The following SCFD2 variants were observed in gnomAD, a reference collection of about 807,000 sequenced individuals.
SCFD2 encodes sec1 family domain-containing protein 2.
In SCFD2, 54 loss-of-function variants were observed where a neutral mutation model predicts 58.9. That is an observed-to-expected ratio of 0.92 (90% confidence interval 0.74 to 1.15). The LOEUF is 1.15. SCFD2 is among the 50% of genes most tolerant of loss of function. The pLI, the probability that SCFD2 is intolerant of heterozygous loss-of-function variation, is 0.00. For missense variants in SCFD2, 805 were observed against 836.6 expected (o/e 0.96, Z 0.47); for synonymous variants, 321 against 335.9 (o/e 0.96, Z 0.49).
chr4:53,058,586 T>C (rs1334930669), intron 5 of SCFD2, among the ~76,000 whole-genome samples: 1 of 152,184 alleles, frequency 6.6e-6, no homozygotes, highest in Non-Finnish European at 1.5e-5. Context: ...AATCAGGCAC[T>C]GATAGTTTTA....
intron 3 of SCFD2, among the ~76,000 whole-genome samples, chr4:53,291,082 C>T (rs566566193): frequency 6.6e-6 from 1 of 152,178 alleles, no homozygotes; most frequent in South Asian, 2.1e-4. Context: ...GGGAATACTT[C>T]CCAACATATT....
In SCFD2 at chr4:53,293,405, G is replaced by A. The variant is rs1243036374; in HGVS notation, c.1136-19404C>T. On this transcript the variant is annotated intron_variant, in intron 3 of 8. Coordinates refer to ENST00000401642, the MANE Select transcript of SCFD2 (RefSeq NM_152540.4). ...TTGATAGGTGCAGCAAACCACCATG[G>A]CACAAGTTTACCTATGTAACAAACC... 2.6e-5 allele frequency among the ~76,000 whole-genome samples: 4 copies of A among 151,738 alleles called. 1 individual carries two copies. In the South Asian group the frequency reaches 8.3e-4, roughly 31 times the overall value.
chr4:53,337,771 A>C (rs1577982036), intron 2 of SCFD2, among the ~76,000 whole-genome samples: 1 of 152,150 alleles, frequency 6.6e-6, no homozygotes, highest in African/African-American at 2.4e-5. Context: ...AAATTTCAAA[A>C]CCTTTATGCC....
At chr4:52,959,927 T>TACACACACACACACACACAC (rs773748716) in intron 5 of SCFD2, among the ~76,000 whole-genome samples, 2,630 of 116,018 alleles carry the variant, frequency 0.023, 37 homozygotes, top group Admixed American at 0.05. Context: ...CACACACACT[T>TACACACACACACACACACAC]GAATCACCTA....
At chr4:53,238,588 C>A (rs1176840623) in intron 4 of SCFD2, among the ~76,000 whole-genome samples, 2 of 151,882 alleles carry the variant, frequency 1.3e-5, no homozygotes, top group Non-Finnish European at 2.9e-5. Context: ...GGCGGAGGGG[C>A]TCCTCACTTC....
At chr4:53,156,420 GA>G (rs1726687175) in intron 4 of SCFD2, among the ~76,000 whole-genome samples, 1 of 141,054 alleles carries the variant, frequency 7.1e-6, no homozygotes, top group Non-Finnish European at 1.5e-5. Context: ...AAAAAGAAAA[GA>G]AAAAAGAGCT....
chr4:53,301,148 A>C (rs1037867234), intron 3 of SCFD2, among the ~76,000 whole-genome samples: 1 of 152,182 alleles, frequency 6.6e-6, no homozygotes, highest in African/African-American at 2.4e-5. Context: ...TCAAAAAATC[A>C]ATAAATCCAG....
intron 5 of SCFD2, among the ~76,000 whole-genome samples, chr4:53,001,076 C>A (rs1390685631): frequency 2.0e-5 from 3 of 152,202 alleles, no homozygotes; most frequent in Non-Finnish European, 4.4e-5. Flanking sequence ...TCAAATATAA[C>A]TTTGCAATAC....
intron 2 of SCFD2, among the ~76,000 whole-genome samples, chr4:53,351,605 G>C (rs1734221118): frequency 6.6e-6 from 1 of 152,148 alleles, no homozygotes; most frequent in Admixed American, 6.5e-5. Context: ...ATGGCTCTCT[G>C]AACAGTTAAA....
chr4:53,268,176 G>A (rs1382424651), intron 4 of SCFD2, among the ~76,000 whole-genome samples: 3 of 152,154 alleles, frequency 2.0e-5, no homozygotes, highest in Non-Finnish European at 4.4e-5. Context: ...TGGTGTCAGA[G>A]CCAGAACCGG....
At chr4:52,940,979 C>T (rs2109513424) in intron 5 of SCFD2, among the ~76,000 whole-genome samples, 1 of 152,192 alleles carries the variant, frequency 6.6e-6, no homozygotes, top group Middle Eastern at 3.4e-3. Context: ...TCAGATGTCC[C>T]CTTTCCCATG....
At chr4:52,918,651 A>T (rs910801148) in intron 6 of SCFD2, among the ~76,000 whole-genome samples, 1 of 152,178 alleles carries the variant, frequency 6.6e-6, no homozygotes, top group Non-Finnish European at 1.5e-5. Flanking sequence ...TTTTTCCTAA[A>T]TTTTAAAGAC....
intron 5 of SCFD2, among the ~76,000 whole-genome samples, chr4:53,103,912 A>G (rs28620177): frequency 0.016 from 2,394 of 149,328 alleles, 82 homozygotes; most frequent in African/African-American, 0.057. Context: ...AAAAAAAAAA[A>G]AAAAGAAAAT....
intron 4 of SCFD2, among the ~76,000 whole-genome samples, chr4:53,238,431 G>T (rs541356937): frequency 2.6e-4 from 39 of 149,438 alleles, no homozygotes; most frequent in African/African-American, 8.6e-4. Flanking sequence ...TCCCGGATGG[G>T]CGGCTGGCCG....
chr4:52,972,868 C>G (rs993663821), intron 5 of SCFD2, among the ~76,000 whole-genome samples: 9 of 152,300 alleles, frequency 5.9e-5, no homozygotes, highest in African/African-American at 1.9e-4. Context: ...GAAACTCACT[C>G]AAAACTGCTC....
At chr4:53,254,597 C>T (rs1228079446) in intron 4 of SCFD2, among the ~76,000 whole-genome samples, 2 of 151,468 alleles carry the variant, frequency 1.3e-5, no homozygotes, top group African/African-American at 2.4e-5. Context: ...CCTCAGCCTC[C>T]CAAAGTGCTG....
intron 5 of SCFD2, among the ~76,000 whole-genome samples, chr4:52,968,556 G>A (rs1287186714): frequency 5.3e-5 from 8 of 152,168 alleles, no homozygotes; most frequent in Admixed American, 6.5e-5. Context: ...TGACATGGAC[G>A]ACAGATACTA....
chr4:53,329,603 A>C (rs1293004547), intron 2 of SCFD2, among the ~76,000 whole-genome samples: 1 of 151,960 alleles, frequency 6.6e-6, no homozygotes, highest in Non-Finnish European at 1.5e-5. Flanking sequence ...GTACATCACC[A>C]TCATCAAAGA....
intron 5 of SCFD2, among the ~76,000 whole-genome samples, chr4:53,136,875 G>A (rs1725957867): frequency 6.6e-6 from 1 of 152,108 alleles, no homozygotes; most frequent in Admixed American, 6.5e-5. Context: ...AATAAATATT[G>A]ATAATCTGAG....
Sources: gnomAD v4.1 joint callset for allele counts (sites outside exome capture counted in the v4.1 genomes callset) on GRCh38, gnomAD v4.1.1 for gene constraint, MANE v1.5 for transcripts, NCBI Gene and HGNC (gene_info 2026-07-23, HGNC 2026-07-21) for gene names.